Variants in NLRC5 observed in about 807,000 individuals in gnomAD.
The protein encoded by NLRC5 is protein NLRC5.
NLRC5 carries 114 observed loss-of-function variants against 206.9 expected under a neutral mutation model. That is an observed-to-expected ratio of 0.55 (90% CI 0.47 to 0.64). The LOEUF (loss-of-function observed/expected upper bound fraction) is 0.64, where lower values mean the gene tolerates loss of function less well. Among genes scored for constraint, NLRC5 ranks in the 30% least tolerant of loss-of-function variants. The pLI, the probability that NLRC5 is intolerant of heterozygous loss-of-function variation, is 0.00. For missense variants in NLRC5, 2,008 were observed against 2,305.5 expected (o/e 0.87, Z 2.64); for synonymous variants, 952 against 962.8 (o/e 0.99, Z 0.21).
chr16:57,062,172 A>G (rs1372288197), intron 32 of NLRC5: 1 of 659,642 alleles, frequency 1.5e-6, no homozygotes, highest in Admixed American at 2.4e-5. Context: ...AAGCGGTTTC[A>G]AGTAAGTTAT....
intron 3 of NLRC5, among the ~76,000 whole-genome samples, chr16:57,021,888 GGGGGC>G (rs2060714400): frequency 6.6e-6 from 1 of 152,184 alleles, no homozygotes; most frequent in Admixed American, 6.5e-5. Context: ...GGGAATTGCG[GGGGGC>G]GGGGCGGCGC....
intron 43 of NLRC5, 45 bp downstream of exon 43, chr16:57,078,065 G>A: frequency 6.7e-7 from 1 of 1,486,820 alleles, no homozygotes; most frequent in Non-Finnish European, 9.0e-7. Flanking sequence ...GTGGGGAGGA[G>A]GGTCCTCGGG....
chr16:57,025,090 G>A (rs1476426389), intron 5 of NLRC5, among the ~76,000 whole-genome samples: 1 of 152,198 alleles, frequency 6.6e-6, no homozygotes, highest in Non-Finnish European at 1.5e-5. Flanking sequence ...TACACCACGT[G>A]TACTATTGCA....
chr16:57,058,337 C>T, intron 28 of NLRC5, 189 bp downstream of exon 28: 1 of 580,962 alleles, frequency 1.7e-6, no homozygotes, highest in Non-Finnish European at 3.1e-6. Flanking sequence ...CCCTCACACC[C>T]ACCATGGGCA....
At chr16:57,082,082 G>A (rs2069220206) in intron 48 of NLRC5, among the ~76,000 whole-genome samples, 3 of 152,338 alleles carry the variant, frequency 2.0e-5, no homozygotes, top group Admixed American at 1.3e-4. Flanking sequence ...AAAGTACCTT[G>A]TTCTACCAAA....
chr16:57,003,376 G>T (rs1464469925), intron 1 of NLRC5, among the ~76,000 whole-genome samples: 1 of 152,102 alleles, frequency 6.6e-6, no homozygotes, highest in Non-Finnish European at 1.5e-5. Context: ...CATGTGCCAG[G>T]TTCCATGTCA....
At chr16:57,016,664 CT>C (rs1458114988) in intron 1 of NLRC5, among the ~76,000 whole-genome samples, 3 of 152,140 alleles carry the variant, frequency 2.0e-5, no homozygotes, top group African/African-American at 7.2e-5. Flanking sequence ...AAATCCTAAC[CT>C]TTTTGGGGTT....
intron 23 of NLRC5, 133 bp from the exon 24 acceptor site, chr16:57,051,405 G>C (rs1345653015): frequency 1.4e-6 from 1 of 708,098 alleles, no homozygotes; most frequent in Non-Finnish European, 2.5e-6. Flanking sequence ...ATAACCCATG[G>C]ACCCAGTGCT....
At chr16:57,075,005 CTTTTTTTTTTTTTTTTTTTTTTTTTTT>C (rs77796033) in intron 39 of NLRC5, among the ~76,000 whole-genome samples, 24 of 58,104 alleles carry the variant, frequency 4.1e-4, no homozygotes, top group South Asian at 3.1e-3. Flanking sequence ...CTAGACTGTG[CTTTTTTTTTTTTTTTTTTTTTTTTTTT>C]TTTTTTTTTT....
At position 57,069,918 on chromosome 16, in the gene NLRC5, G is replaced by T; in HGVS notation, c.4582G>T (p.Asp1528Tyr). 1 of 1,573,198 alleles carries T rather than the reference G, an allele frequency of 6.4e-7. No homozygotes were observed. Among genetic ancestry groups the T allele is most frequent in the Non-Finnish European group, 8.6e-7 (1 of 1,159,838 alleles). Residue 1528 changes from aspartate to tyrosine, a missense_variant and splice_region_variant, in exon 37 of 49, where the codon GAC becomes TAC. Transcript: ENST00000688547. ...LGHCHHLEEL[D>Y]LSNNQFDEEG... ...CCACTGCCACCACTTGGAGGAGCTG[G>T]AGTGAGTTGCAGAGTGGAGGGATTG...
At chr16:57,046,491 G>A (rs79187099) in intron 21 of NLRC5, 61 bp from the exon 22 acceptor site, 38,699 of 1,400,158 alleles carry the variant, frequency 0.028, 705 homozygotes, top group Non-Finnish European at 0.032. Context: ...GGGTATATGG[G>A]CTGGGCTGGG....
intron 41 of NLRC5, 146 bp downstream of exon 41, chr16:57,077,525 C>G (rs776462272): frequency 1.1e-6 from 1 of 927,000 alleles, no homozygotes; most frequent in South Asian, 1.6e-5. Flanking sequence ...CCTCCTGGCC[C>G]TCACTGCGGG....
chr16:57,025,279 A>G (rs2061163383), intron 5 of NLRC5, 89 bp from the exon 6 acceptor site: 8 of 1,483,746 alleles, frequency 5.4e-6, no homozygotes, highest in South Asian at 1.4e-5. Flanking sequence ...CTGGGGCTAC[A>G]GGCTCCCAAC....
intron 37 of NLRC5, among the ~76,000 whole-genome samples, chr16:57,070,234 C>T (rs1260351219): frequency 7.3e-6 from 1 of 136,182 alleles, no homozygotes; most frequent in Non-Finnish European, 1.6e-5. Context: ...ACGGAGAGGG[C>T]TGAAGAACAA....
rs1470957957 is a variant in NLRC5 at position 57,081,531 on chromosome 16, G to A, written c.5410G>A (p.Glu1804Lys). The A allele has an allele frequency of 1.2e-6, 2 of 1,613,926 alleles. No individual in the cohort carries two copies. The highest frequency in any genetic ancestry group is 1.7e-6 in the Non-Finnish European group (2 of 1,179,960). ...QMGRLKRVDL[E>K]KNQITALGAW... is the part of the protein sequence containing the mutation. The stretch of plus-strand genomic sequence containing the variant: ...CCCTCACTGTCCACTGAGAAGCCTG[G>A]AGAAGAATCAGATCACAGCTTTGGG... Residue 1804 changes from glutamate to lysine, a missense_variant, in exon 48 of 49, where the codon GAG (glutamate) becomes AAG (lysine). Coordinates refer to ENST00000688547, the MANE Select transcript of NLRC5 (RefSeq NM_001384950.1).
chr16:57,026,288 C>T lies in NLRC5; in HGVS notation c.1345C>T (p.Pro449Ser), dbSNP rs201280147. The part of the protein sequence containing the change: ...YMQMVLALSP[P>S]GHLPTSSLLD... Reference sequence around the variant, plus strand: ...GCAGATGGTGCTCGCCCTCAGCCCCCCTGGGCACTTGCCCACCTCGTCCCT... The same window carrying T: ...GCAGATGGTGCTCGCCCTCAGCCCCTCTGGGCACTTGCCCACCTCGTCCCT... Residue 449 changes from proline (P) to serine (S), a missense_variant, in exon 6 of 49, where the codon CCT becomes TCT. Physicochemically the swap from Pro to Ser is moderately conservative, Grantham distance 74 (BLOSUM62 -1). Coordinates refer to ENST00000688547, the MANE Select transcript of NLRC5 (RefSeq NM_001384950.1). The T allele has an allele frequency of 6.2e-7, 1 of 1,613,968 alleles. No homozygotes were observed. Among genetic ancestry groups the T allele is most frequent in the Non-Finnish European group, 8.5e-7 (1 of 1,180,062 alleles).
chr16:57,051,868 T>C (rs1381938452), intron 24 of NLRC5, among the ~76,000 whole-genome samples: 1 of 152,190 alleles, frequency 6.6e-6, no homozygotes, highest in Non-Finnish European at 1.5e-5. Context: ...TTGCCTCCTC[T>C]GCGTCTCAGT....
intron 1 of NLRC5, among the ~76,000 whole-genome samples, chr16:57,010,705 T>C (rs2059395741): frequency 6.6e-6 from 1 of 152,154 alleles, no homozygotes; most frequent in Admixed American, 6.5e-5. Flanking sequence ...CCTCCATCCA[T>C]CATACTTAGT....
In NLRC5 at chr16:57,047,611, G is replaced by A. The variant is rs140783117; in HGVS notation, c.3405G>A (p.Pro1135=). Residue 1135 remains proline (P), a synonymous_variant, in exon 23 of 49, where the codon CCG becomes CCA. Transcript: ENST00000688547. ...TCTGTGCCACTCTGAAGGACTGCCC[G>A]GGACCCCTGGAACTGCAGTAAGTAA... ...TRLCATLKDC[P]GPLELQLSCE... The A allele has an allele frequency of 7.4e-6, 12 of 1,612,950 alleles. No homozygotes were observed. Among genetic ancestry groups the A allele is most frequent in the Admixed American group, 3.3e-5 (2 of 59,864 alleles).
Sources: allele counts gnomAD v4.1 joint callset (sites outside exome capture counted in the v4.1 genomes callset), GRCh38; gene constraint gnomAD v4.1.1; transcripts MANE v1.5; gene names NCBI Gene and HGNC (gene_info 2026-07-23, HGNC 2026-07-21).